EML6: variants seen among roughly 807,000 people sequenced by gnomAD.
EML6 encodes the protein EMAP like 6, also known as echinoderm microtubule-associated protein-like 6.
A neutral mutation model predicts 240.1 loss-of-function variants in EML6; 154 were observed. The observed-to-expected ratio is 0.64, with a 90% CI of 0.56 to 0.73. The LOEUF (loss-of-function observed/expected upper bound fraction) is 0.73, where lower values mean the gene tolerates loss of function less well. Ranked by LOEUF, EML6 falls within the 30% of genes least tolerant of loss-of-function variation. The pLI is 0.00. For synonymous variants in EML6, 1,148 were observed against 899.0 expected (o/e 1.28, Z -4.95); for missense variants, 2,964 against 2,474.6 (o/e 1.20, Z -4.20).
Position 54,928,447 on chromosome 2 carries a change from T to G in EML6, c.3810T>G (p.Phe1270Leu), listed in dbSNP as rs527916149. 59 of 1,550,752 alleles carry G rather than the reference T, an allele frequency of 3.8e-5. No homozygotes were observed. The East Asian group carries it at 8.1e-4, about 21-fold the overall frequency. ...DTALMIWTRE[F>L]VGTQESKLVD... ...CCCTGATGATCTGGACCAGGGAGTTTGTGGGGACCCAGGAGAGCAAGCTGG... is the reference window on the plus strand; with the variant it reads ...CCCTGATGATCTGGACCAGGGAGTTGGTGGGGACCCAGGAGAGCAAGCTGG... Residue 1270 changes from phenylalanine to leucine, a missense_variant, in exon 27 of 42, where the codon TTT (phenylalanine) becomes TTG (leucine). Phe to Leu is a conservative substitution (Grantham distance 22). Coordinates refer to ENST00000356458, the MANE Select transcript of EML6 (RefSeq NM_001039753.4).
rs755110851 is a variant in EML6, at chr2:54,903,087, G to T, written c.3168G>T (p.Ala1056=). 4 of 1,551,770 alleles carry T rather than the reference G, an allele frequency of 2.6e-6. No homozygotes were observed. Among genetic ancestry groups the T allele is most frequent in the South Asian group, 2.4e-5 (2 of 84,066 alleles). Residue 1056 remains alanine (A), a synonymous_variant, in exon 23 of 42, where the codon GCG becomes GCT. Coordinates refer to ENST00000356458, the MANE Select transcript of EML6 (RefSeq NM_001039753.4). ...TTTCCCCTGATGGGAAAGCCTTAGC[G>T]GTTGGCTTGAACGATGGGAGTTTCC... ...CAFSPDGKAL[A]VGLNDGSFLV...
At chr2:54,869,897 A>T (rs1294205818) in intron 15 of EML6, among the ~76,000 whole-genome samples, 1 of 152,170 alleles carries the variant, frequency 6.6e-6, no homozygotes, top group East Asian at 1.9e-4. Context: ...TAAAACAGGG[A>T]CCCTCTACAA....
chr2:54,873,902 C>T (rs1029684205), intron 16 of EML6, among the ~76,000 whole-genome samples: 76 of 148,368 alleles, frequency 5.1e-4, no homozygotes, highest in Non-Finnish European at 8.0e-4. Context: ...GTATTTTATG[C>T]ACATTTCAAT....
intron 2 of EML6, among the ~76,000 whole-genome samples, chr2:54,807,900 G>A (rs1349891142): frequency 1.3e-5 from 2 of 152,104 alleles, no homozygotes; most frequent in Admixed American, 6.5e-5. Flanking sequence ...TCTTTTATAC[G>A]AAGGTATTGC....
chr2:54,859,509 A>T (rs1169401590), intron 11 of EML6, 25 bp from the exon 12 acceptor site: 2 of 1,539,952 alleles, frequency 1.3e-6, no homozygotes, highest in Non-Finnish European at 1.8e-6. Flanking sequence ...TTCATAACTA[A>T]TCCTCTCAAA....
At chr2:54,901,207 A>C (rs1046313074) in intron 22 of EML6, among the ~76,000 whole-genome samples, 1 of 152,226 alleles carries the variant, frequency 6.6e-6, no homozygotes, top group Non-Finnish European at 1.5e-5. Context: ...TTGCACATTT[A>C]GTAGGTAATG....
intron 2 of EML6, among the ~76,000 whole-genome samples, chr2:54,796,637 T>C (rs958559054): frequency 2.0e-5 from 3 of 152,024 alleles, no homozygotes; most frequent in Non-Finnish European, 2.9e-5. Flanking sequence ...CACACACACT[T>C]AAGTGACTGT....
intron 26 of EML6, among the ~76,000 whole-genome samples, chr2:54,927,915 C>G (rs552007266): frequency 1.2e-4 from 19 of 152,324 alleles, no homozygotes; most frequent in African/African-American, 4.6e-4. Flanking sequence ...GTACAAAAGT[C>G]ACTGTAGGAG....
rs538135327 is a variant in EML6, at chr2:54,805,991, A to G, written c.198-7241A>G. 3.3e-5 allele frequency among the ~76,000 whole-genome samples: 5 copies of G among 152,246 alleles called. No homozygotes were observed. In the South Asian group the frequency reaches 1.0e-3, roughly 32 times the overall value. On this transcript the variant is annotated intron_variant, in intron 2 of 41. Coordinates refer to ENST00000356458, the MANE Select transcript of EML6 (RefSeq NM_001039753.4). ...TGGGTCTCTCTATGGATTCAATTCT[A>G]TACCATTGATTTGTATGTCTATCCT... is the stretch of plus-strand genomic sequence containing the variant.
intron 5 of EML6, among the ~76,000 whole-genome samples, chr2:54,821,349 T>C (rs1038684509): frequency 6.6e-6 from 1 of 152,128 alleles, no homozygotes; most frequent in Non-Finnish European, 1.5e-5. Flanking sequence ...TATGGAAGAC[T>C]TACCTAAAGA....
chr2:54,809,580 G>A (rs1667721649), intron 2 of EML6, among the ~76,000 whole-genome samples: 1 of 152,164 alleles, frequency 6.6e-6, no homozygotes, highest in Non-Finnish European at 1.5e-5. Flanking sequence ...CAATTGTGAG[G>A]TAGGTAGAAA....
At chr2:54,946,121 C>T (rs1675683439) in intron 28 of EML6, among the ~76,000 whole-genome samples, 1 of 152,198 alleles carries the variant, frequency 6.6e-6, no homozygotes, top group African/African-American at 2.4e-5. Context: ...CCTGATTATC[C>T]AGTTTGTTTG....
intron 17 of EML6, among the ~76,000 whole-genome samples, chr2:54,883,537 C>T (rs932473696): frequency 6.6e-6 from 1 of 152,174 alleles, no homozygotes. Flanking sequence ...TGCCCTTGGC[C>T]TCTGGAAGAG....
At chr2:54,806,449 C>A (rs1436760823) in intron 2 of EML6, among the ~76,000 whole-genome samples, 28 of 151,686 alleles carry the variant, frequency 1.8e-4, no homozygotes, top group Non-Finnish European at 4.1e-4. Context: ...CCTGTCTCTA[C>A]TAAAAATATA....
chr2:54,933,405 C>CATAT (rs1674963073), intron 28 of EML6, among the ~76,000 whole-genome samples: 1 of 152,118 alleles, frequency 6.6e-6, no homozygotes, highest in Non-Finnish European at 1.5e-5. Context: ...CTTTTCTTGT[C>CATAT]ATATATATTC....
intron 2 of EML6, among the ~76,000 whole-genome samples, chr2:54,805,981 A>T (rs1162531506): frequency 1.3e-5 from 2 of 152,132 alleles, no homozygotes; most frequent in Non-Finnish European, 2.9e-5. Flanking sequence ...CTCTCTATGG[A>T]TTCAATTCTA....
chr2:54,849,988 A>G lies in EML6; in HGVS notation c.1214A>G (p.Lys405Arg), dbSNP rs1669984453. The change falls in exon 10 of 42, where the codon AAA (lysine) becomes AGA (arginine). Residue 405 changes from lysine (K) to arginine (R), a missense_variant. Lys to Arg is a conservative substitution (Grantham distance 26). Transcript: ENST00000356458. Reference protein sequence around the residue: ...VRDMTEVVHIKDRKEVIHEMK... With the variant: ...VRDMTEVVHIRDRKEVIHEMK... ...GATATGACAGAAGTAGTTCACATCA[A>G]AGATCGAAAAGAAGTCATTCATGAA... 6.4e-7 allele frequency: 1 copy of G among 1,551,332 alleles called. No individual in the cohort carries two copies. Among genetic ancestry groups the G allele is most frequent in the African/African-American group, 1.4e-5 (1 of 73,044 alleles).
chr2:54,861,509 G>C (rs1670669455), intron 12 of EML6, among the ~76,000 whole-genome samples: 1 of 152,192 alleles, frequency 6.6e-6, no homozygotes, highest in Admixed American at 6.5e-5. Flanking sequence ...CAGCTTCACT[G>C]TGAAGATAGA....
chr2:54,814,284 C>T lies in EML6; in HGVS notation c.357+893C>T, dbSNP rs74701856. Among the ~76,000 whole-genome samples the T allele has an allele frequency of 5.7e-4, 87 of 152,320 alleles. 1 individual carries two copies. Among genetic ancestry groups the T allele is most frequent in the African/African-American group, 1.5e-3 (64 of 41,576 alleles). On this transcript the variant is annotated intron_variant, in intron 3 of 41. Transcript: ENST00000356458. Reference sequence around the variant, plus strand: ...TCCTGTCCACCTGAAGTGTCCTGCTCACCCTTTTGCCCATTGAAGTGATTC... The same window carrying T: ...TCCTGTCCACCTGAAGTGTCCTGCTTACCCTTTTGCCCATTGAAGTGATTC...
Sources: gnomAD v4.1 joint callset for allele counts (sites outside exome capture counted in the v4.1 genomes callset) on GRCh38, gnomAD v4.1.1 for gene constraint, MANE v1.5 for transcripts, NCBI Gene and HGNC (gene_info 2026-07-23, HGNC 2026-07-21) for gene names.